Variants in MYO9A observed in about 807,000 individuals in gnomAD.
MYO9A encodes myosin IXA, also known as unconventional myosin-IXa.
MYO9A carries 103 observed loss-of-function variants against 293.3 expected under a neutral mutation model. That is an observed-to-expected ratio of 0.35 (90% CI 0.30 to 0.41). The LOEUF (loss-of-function observed/expected upper bound fraction) is 0.41, where lower values mean the gene tolerates loss of function less well. MYO9A is among the 10% of genes least tolerant of loss of function. The probability of loss-of-function intolerance (pLI) is 1.00; values close to 1 mark genes in which losing one functional copy is unlikely to be tolerated. For missense variants in MYO9A, 2,685 were observed against 3,033.0 expected, an observed-to-expected ratio of 0.89 and a Z score of 2.69; for synonymous variants, 1,001 against 1,035.7, an observed-to-expected ratio of 0.97 and a Z score of 0.64.
At chr15:71,935,126 G>T in intron 17 of MYO9A, 1 of 456,924 alleles carries the variant, frequency 2.2e-6, no homozygotes, top group Non-Finnish European at 3.8e-6. Context: ...CTGGTAATAT[G>T]GGGGAGAAAA....
intron 2 of MYO9A, among the ~76,000 whole-genome samples, chr15:72,037,782 T>C (rs2078101713): frequency 6.6e-6 from 1 of 152,094 alleles, no homozygotes. Context: ...ATGTCTAGTT[T>C]TCACCAAAAA....
chr15:71,956,327 AAAAAT>A (rs1354600045), intron 14 of MYO9A, among the ~76,000 whole-genome samples: 1 of 78,574 alleles, frequency 1.3e-5, no homozygotes, highest in African/African-American at 4.3e-5. Flanking sequence ...AAAAAAAAAA[AAAAAT>A]ATATATATAT....
intron 1 of MYO9A, among the ~76,000 whole-genome samples, chr15:72,074,171 T>C (rs2079275475): frequency 6.6e-6 from 1 of 152,176 alleles, no homozygotes; most frequent in African/African-American, 2.4e-5. Flanking sequence ...AAATTAACCA[T>C]GCTCTCAGTG....
intron 11 of MYO9A, among the ~76,000 whole-genome samples, chr15:71,979,452 C>T (rs1417385256): frequency 1.3e-5 from 2 of 152,142 alleles, no homozygotes; most frequent in South Asian, 2.1e-4. Flanking sequence ...TCCAAACCCT[C>T]CTACCCAAAG....
Position 71,935,458 on chromosome 15 carries a change from C to A in MYO9A, c.2405G>T (p.Gly802Val). Residue 802 changes from glycine to valine, a missense_variant, in exon 17 of 42, where the codon GGC (glycine) becomes GTC (valine). Coordinates refer to ENST00000356056, the MANE Select transcript of MYO9A (RefSeq NM_006901.4). Reference sequence around the variant, plus strand: ...TCTGCTCTGGCGAATCCCAGTTCTGCCATTCCAGGCAATATCAAATGTATC... The same window carrying A: ...TCTGCTCTGGCGAATCCCAGTTCTGACATTCCAGGCAATATCAAATGTATC... The part of the protein sequence containing the change: ...QHDTFDIAWN[G>V]RTGIRQSRLS... The A allele has an allele frequency of 6.2e-7, 1 of 1,613,404 alleles. No homozygotes were observed. Among genetic ancestry groups the A allele is most frequent in the Non-Finnish European group, 8.5e-7 (1 of 1,179,592 alleles).
chr15:72,010,485 T>C, intron 6 of MYO9A, 38 bp from the exon 7 acceptor site: 1 of 1,541,150 alleles, frequency 6.5e-7, no homozygotes, highest in Non-Finnish European at 8.9e-7. Flanking sequence ...ATCAAGATTA[T>C]ATATTTTAAA....
Position 72,034,675 on chromosome 15 carries a change from GAAAC to G in MYO9A, c.841-2091_841-2088del, listed in dbSNP as rs1389166149. 4.6e-5 allele frequency among the ~76,000 whole-genome samples: 7 copies of G among 152,244 alleles called. No individual in the cohort carries two copies. In the East Asian group the frequency reaches 1.3e-3, roughly 29 times the overall value. On this transcript the variant is annotated intron_variant, in intron 2 of 41. Transcript: ENST00000356056. ...ACATAGCACAGATTAATAAAATGTA[GAAAC>G]AAACAGAAACATACATTTCATCAAA...
chr15:72,045,662 C>T (rs144778826), intron 2 of MYO9A, 62 bp downstream of exon 2: 5 of 1,481,802 alleles, frequency 3.4e-6, no homozygotes, highest in Non-Finnish European at 3.6e-6. Flanking sequence ...AATGGTACAC[C>T]CCCCCACCTC....
chr15:72,032,553 ATTG>A lies in MYO9A; in HGVS notation c.873_875del (p.Asn292del). 6.2e-7 allele frequency: 1 copy of A among 1,609,616 alleles called. No individual in the cohort carries two copies. Among genetic ancestry groups the A allele is most frequent in the Non-Finnish European group, 8.5e-7 (1 of 1,178,270 alleles). On this transcript the variant is annotated inframe_deletion, in exon 3 of 42. Coordinates refer to ENST00000356056, the MANE Select transcript of MYO9A (RefSeq NM_006901.4). ...GAATAAACTTCCCAAAACGACTTGA[ATTG>A]TTATTATGAGCTGTCTTTGCATTTC... is the stretch of plus-strand genomic sequence containing the variant.
chr15:71,955,679 T>C (rs1047553446), intron 14 of MYO9A, among the ~76,000 whole-genome samples: 17 of 152,264 alleles, frequency 1.1e-4, no homozygotes, highest in African/African-American at 3.9e-4. Context: ...AACAGTTTTA[T>C]TGAAATACAA....
intron 14 of MYO9A, 49 bp downstream of exon 14, chr15:71,959,848 TAAAA>T: frequency 3.7e-5 from 42 of 1,148,558 alleles, no homozygotes; most frequent in Admixed American, 8.0e-5. Context: ...AGTAGAAAGG[TAAAA>T]AAAAAAAAAA....
chr15:72,104,219 G>A (rs188311192), intron 1 of MYO9A, among the ~76,000 whole-genome samples: 1 of 152,308 alleles, frequency 6.6e-6, no homozygotes, highest in East Asian at 1.9e-4. Context: ...ATACTGTGTT[G>A]CCAGATGATT....
At chr15:71,967,493 C>G (rs1488358809) in intron 13 of MYO9A, among the ~76,000 whole-genome samples, 1 of 152,108 alleles carries the variant, frequency 6.6e-6, no homozygotes, top group Non-Finnish European at 1.5e-5. Context: ...CCTGAAATAG[C>G]AGGCTTAAAC....
chr15:72,099,762 C>T (rs2080205522), intron 1 of MYO9A, among the ~76,000 whole-genome samples: 1 of 149,732 alleles, frequency 6.7e-6, no homozygotes, highest in Non-Finnish European at 1.5e-5. Context: ...ATTGGTCGGG[C>T]ATGGTGGCAT....
In MYO9A at chr15:72,032,759, T is replaced by TA. The variant is rs915800523; in HGVS notation, c.841-172dup. On this transcript the variant is annotated intron_variant, in intron 2 of 41. Coordinates refer to ENST00000356056, the MANE Select transcript of MYO9A (RefSeq NM_006901.4). ...ATTCACAGTTCAGGCAAAATTTTTTTAAAAAAAAAGCAATTAACAACTGAA... is the reference window on the plus strand; with the variant it reads ...ATTCACAGTTCAGGCAAAATTTTTTTAAAAAAAAAAGCAATTAACAACTGAA... Among the ~76,000 whole-genome samples, 30 of 151,090 alleles carry TA rather than the reference T, an allele frequency of 2.0e-4. No individual in the cohort carries two copies. In the East Asian group the frequency reaches 2.1e-3, roughly 11 times the overall value.
intron 18 of MYO9A, among the ~76,000 whole-genome samples, chr15:71,924,246 T>C (rs2058231800): frequency 2.6e-5 from 4 of 151,858 alleles, no homozygotes; most frequent in Non-Finnish European, 4.4e-5. Flanking sequence ...ATTATCATTA[T>C]TGTTATTATT....
rs1229540196 is a variant in MYO9A, at chr15:71,938,538, G to A, written c.2378+314C>T. ...ATAAGATTTCTCCACAGAAAGCAGC[G>A]GAATAACCCTTAAATTTTGTAAAAG... is the stretch of plus-strand genomic sequence containing the variant. On this transcript the variant is annotated intron_variant, in intron 16 of 41. Transcript: ENST00000356056. Among the ~76,000 whole-genome samples the A allele has an allele frequency of 7.9e-5, 12 of 152,096 alleles. No homozygotes were observed. In the East Asian group the frequency reaches 1.7e-3, roughly 22 times the overall value.
At chr15:71,894,532 G>A (rs138956717) in intron 25 of MYO9A, among the ~76,000 whole-genome samples, 82 of 152,228 alleles carry the variant, frequency 5.4e-4, no homozygotes, top group Middle Eastern at 3.4e-3. Context: ...AGCCAAGATC[G>A]TGCCACTGCA....
chr15:72,054,775 A>T (rs960612146), intron 1 of MYO9A, among the ~76,000 whole-genome samples: 6 of 151,932 alleles, frequency 3.9e-5, no homozygotes, highest in Admixed American at 3.3e-4. Context: ...TATAAATAAG[A>T]TCAAGCAAGG....
Sources: gnomAD v4.1 joint callset for allele counts (sites outside exome capture counted in the v4.1 genomes callset) on GRCh38, gnomAD v4.1.1 for gene constraint, MANE v1.5 for transcripts, NCBI Gene and HGNC (gene_info 2026-07-23, HGNC 2026-07-21) for gene names.